Variants in EPHB1 observed in about 807,000 individuals in gnomAD.
The protein encoded by EPHB1 is ephrin type-B receptor 1.
In EPHB1, 30 loss-of-function variants were observed where a neutral mutation model predicts 94.4. That is an observed-to-expected ratio of 0.32 (90% CI 0.24 to 0.43). The LOEUF (loss-of-function observed/expected upper bound fraction) is 0.43, where lower values mean the gene tolerates loss of function less well. Among genes scored for constraint, EPHB1 ranks in the 20% least tolerant of loss-of-function variants. The pLI is 1.00. For missense variants in EPHB1, 1,055 were observed against 1,308.3 expected (o/e 0.81, Z 2.99); for synonymous variants, 522 against 489.1 (o/e 1.07, Z -0.89).
intron 3 of EPHB1, among the ~76,000 whole-genome samples, chr3:135,037,513 C>G (rs1206636086): frequency 6.6e-6 from 1 of 152,224 alleles, no homozygotes; most frequent in Non-Finnish European, 1.5e-5. Flanking sequence ...ATTTAGAAAT[C>G]ACATAGACCA....
At chr3:134,919,742 C>A (rs1397625468) in intron 1 of EPHB1, among the ~76,000 whole-genome samples, 2 of 152,098 alleles carry the variant, frequency 1.3e-5, no homozygotes, top group Non-Finnish European at 2.9e-5. Context: ...GACGACCCAG[C>A]CACGCACACC....
Position 134,951,908 on chromosome 3 carries a change from G to A in EPHB1, c.661G>A (p.Ala221Thr), listed in dbSNP as rs2107716010. Residue 221 changes from alanine to threonine, a missense_variant, in exon 3 of 16, where the codon GCT becomes ACT. Coordinates refer to ENST00000398015, the MANE Select transcript of EPHB1 (RefSeq NM_004441.5). The surrounding 1 kb of genome is among the most constrained non-coding windows in gnomAD (Gnocchi z 4.5). The stretch of plus-strand genomic sequence containing the variant: ...GGCAGAGAGCACATCTCTGGTGATT[G>A]CTCGGGGCACATGCATCCCCAACGC... ...TGAESTSLVI[A>T]RGTCIPNAEE... 1 of 1,614,042 alleles carries A rather than the reference G, an allele frequency of 6.2e-7. No individual in the cohort carries two copies. Among genetic ancestry groups the A allele is most frequent in the Non-Finnish European group, 8.5e-7 (1 of 1,179,900 alleles).
chr3:134,809,000 C>T (rs573622958), intron 1 of EPHB1, among the ~76,000 whole-genome samples: 2 of 152,336 alleles, frequency 1.3e-5, no homozygotes, highest in East Asian at 3.9e-4. Context: ...AATTTGATAT[C>T]CATTGGAGAG....
At chr3:134,921,902 C>T (rs968662047) in intron 1 of EPHB1, among the ~76,000 whole-genome samples, 10 of 152,060 alleles carry the variant, frequency 6.6e-5, no homozygotes, top group African/African-American at 1.7e-4. Context: ...GGCAGAGGGA[C>T]GGGGGAGGTT....
chr3:134,841,215 G>C (rs554044973), intron 1 of EPHB1, among the ~76,000 whole-genome samples: 1 of 152,262 alleles, frequency 6.6e-6, no homozygotes, highest in South Asian at 2.1e-4. Context: ...TCTGATGTGG[G>C]TGGCAGGCAG....
intron 4 of EPHB1, among the ~76,000 whole-genome samples, chr3:135,117,205 G>T (rs1027839623): frequency 3.9e-5 from 6 of 152,210 alleles, no homozygotes; most frequent in African/African-American, 1.4e-4. Flanking sequence ...TAGGTAAAGT[G>T]GACAGGAATG....
At chr3:135,129,700 G>A (rs1940352125) in intron 4 of EPHB1, among the ~76,000 whole-genome samples, 1 of 152,212 alleles carries the variant, frequency 6.6e-6, no homozygotes, top group Non-Finnish European at 1.5e-5. Flanking sequence ...TTAGGCACCT[G>A]GAAATGAGCT....
intron 3 of EPHB1, among the ~76,000 whole-genome samples, chr3:135,047,194 GGA>G (rs1937022818): frequency 6.6e-6 from 1 of 152,192 alleles, no homozygotes; most frequent in South Asian, 2.1e-4. Flanking sequence ...CCTGATGGAG[GGA>G]GAGAGAGGAA....
chr3:135,254,895 C>A (rs1933304881), intron 15 of EPHB1, among the ~76,000 whole-genome samples: 1 of 152,152 alleles, frequency 6.6e-6, no homozygotes, highest in Non-Finnish European at 1.5e-5. Flanking sequence ...AATTTCAGAT[C>A]CTGTTATTGG....
chr3:134,957,274 C>G (rs1257810737), intron 3 of EPHB1, among the ~76,000 whole-genome samples: 1 of 152,144 alleles, frequency 6.6e-6, no homozygotes, highest in Non-Finnish European at 1.5e-5. Flanking sequence ...AATCCAAGAA[C>G]CCCAGCTCTA....
intron 3 of EPHB1, among the ~76,000 whole-genome samples, chr3:134,959,832 C>A (rs760433723): frequency 3.3e-5 from 5 of 152,098 alleles, no homozygotes; most frequent in African/African-American, 1.2e-4. Context: ...TATCAAGGAC[C>A]CTGCATGGGC....
chr3:135,129,833 A>T (rs1940357186), intron 4 of EPHB1, among the ~76,000 whole-genome samples: 1 of 152,324 alleles, frequency 6.6e-6, no homozygotes, highest in South Asian at 2.1e-4. Flanking sequence ...AGAACTTGTG[A>T]CAGAGGGAAA....
chr3:135,079,094 AAAC>A lies in EPHB1; in HGVS notation c.806-27351_806-27349del, dbSNP rs201026715. ...ACATACGTAAAAACAAGCAAAAAAAAAACAAAACAAACAAACAAGCAAAAACCC... is the reference window on the plus strand; with the variant it reads ...ACATACGTAAAAACAAGCAAAAAAAAAAAACAAACAAACAAGCAAAAACCC... On this transcript the variant is annotated intron_variant, in intron 3 of 15. Coordinates refer to ENST00000398015, the MANE Select transcript of EPHB1 (RefSeq NM_004441.5). Among the ~76,000 whole-genome samples the A allele has an allele frequency of 1.2e-4, 17 of 140,626 alleles. No homozygotes were observed. In the East Asian group the frequency reaches 1.8e-3, roughly 15 times the overall value. The allele number at this position is 140,626 out of a possible 152,430, so 92.3% of individuals were successfully genotyped here.
chr3:135,009,884 C>T (rs150951650), intron 3 of EPHB1, among the ~76,000 whole-genome samples: 94 of 152,200 alleles, frequency 6.2e-4, no homozygotes, highest in African/African-American at 1.7e-3. Flanking sequence ...AAATAGTAGA[C>T]GCTATTATTT....
At chr3:135,150,589 T>C (rs940570374) in intron 5 of EPHB1, among the ~76,000 whole-genome samples, 1 of 152,214 alleles carries the variant, frequency 6.6e-6, no homozygotes, top group South Asian at 2.1e-4. Flanking sequence ...TCTGTCCTCC[T>C]GGGAGCACCT....
intron 3 of EPHB1, among the ~76,000 whole-genome samples, chr3:135,005,628 C>T (rs1935372115): frequency 6.6e-6 from 1 of 152,242 alleles, no homozygotes; most frequent in Non-Finnish European, 1.5e-5. Flanking sequence ...GGTGTAGGAC[C>T]CTCCGAGCCA....
intron 3 of EPHB1, among the ~76,000 whole-genome samples, chr3:134,974,666 T>C (rs1436720441): frequency 3.3e-5 from 5 of 152,176 alleles, no homozygotes; most frequent in African/African-American, 1.2e-4. Flanking sequence ...GAGTTTTTGA[T>C]TTCCTGCTCC....
chr3:134,917,720 G>A (rs532591574), intron 1 of EPHB1, among the ~76,000 whole-genome samples: 1 of 152,328 alleles, frequency 6.6e-6, no homozygotes, highest in East Asian at 1.9e-4. Context: ...CAGATGGGTT[G>A]GGTTGGCACT....
At chr3:134,996,903 T>C (rs1317602554) in intron 3 of EPHB1, among the ~76,000 whole-genome samples, 1 of 152,184 alleles carries the variant, frequency 6.6e-6, no homozygotes, top group Non-Finnish European at 1.5e-5. Context: ...TTTAGGCCTG[T>C]AGTTTTTTAG....
Sources: allele counts gnomAD v4.1 joint callset (sites outside exome capture counted in the v4.1 genomes callset), GRCh38; gene constraint gnomAD v4.1.1; non-coding constraint Gnocchi (gnomAD v3.1); transcripts MANE v1.5; gene names NCBI Gene and HGNC (gene_info 2026-07-23, HGNC 2026-07-21).